Variants in PARD3B observed in about 807,000 individuals in gnomAD.
PARD3B encodes the protein par-3 family cell polarity regulator beta, also known as partitioning defective 3 homolog B.
PARD3B carries 103 observed loss-of-function variants against 130.2 expected under a neutral mutation model. The observed-to-expected ratio is 0.79, with a 90% CI of 0.67 to 0.93. PARD3B has a LOEUF of 0.93. Among genes scored for constraint, PARD3B ranks in the 40% least tolerant of loss-of-function variants. The pLI is 0.00. For synonymous variants in PARD3B, 583 were observed against 553.2 expected (o/e 1.05, Z -0.76); for missense variants, 1,609 against 1,499.2 (o/e 1.07, Z -1.21).
chr2:204,557,118 AC>A (rs1462857650), intron 1 of PARD3B, among the ~76,000 whole-genome samples: 5 of 151,556 alleles, frequency 3.3e-5, no homozygotes. Context: ...GTATGTTGGT[AC>A]ACTGGGGTTC....
intron 2 of PARD3B, among the ~76,000 whole-genome samples, chr2:204,935,312 A>T (rs557545127): frequency 1.3e-5 from 2 of 150,748 alleles, no homozygotes; most frequent in Non-Finnish European, 3.0e-5. Context: ...GGCGGATCAC[A>T]AGGTCAGGAG....
intron 1 of PARD3B, among the ~76,000 whole-genome samples, chr2:204,684,888 A>C (rs2037005110): frequency 6.6e-6 from 1 of 152,202 alleles, no homozygotes; most frequent in South Asian, 2.1e-4. Context: ...CTTAATTTTG[A>C]AATGTCTAAA....
chr2:204,618,949 A>T (rs901974079), intron 1 of PARD3B, among the ~76,000 whole-genome samples: 2 of 152,046 alleles, frequency 1.3e-5, no homozygotes, highest in African/African-American at 4.8e-5. Flanking sequence ...ATTTTCCTGA[A>T]TAAATGATTC....
In PARD3B at chr2:205,287,519, T is replaced by C. The variant is rs1297731875; in HGVS notation, c.2186-13011T>C. 7.2e-5 allele frequency among the ~76,000 whole-genome samples: 11 copies of C among 152,172 alleles called. No homozygotes were observed. The highest frequency in any genetic ancestry group is 1.5e-4 in the Non-Finnish European group (10 of 68,032). ...CTGCTCACTCTACCAGGCTTAGTTC[T>C]AGTTAGCCCTGTGTGTGTCAGTAGC... On this transcript the variant is annotated intron_variant, in intron 16 of 22. Coordinates refer to ENST00000406610, the MANE Select transcript of PARD3B (RefSeq NM_001302769.2). This position sits in a 1 kb window ranked among gnomAD's most constrained non-coding sequence, Gnocchi z 4.8.
intron 1 of PARD3B, among the ~76,000 whole-genome samples, chr2:204,679,465 C>T (rs1189333227): frequency 6.6e-6 from 1 of 152,114 alleles, no homozygotes; most frequent in East Asian, 1.9e-4. Flanking sequence ...ATTCTAGTTG[C>T]TTTGTATTCT....
intron 21 of PARD3B, 83 bp from the exon 22 acceptor site, chr2:205,553,241 G>T: frequency 1.5e-6 from 2 of 1,300,352 alleles, no homozygotes; most frequent in Non-Finnish European, 1.1e-6. Context: ...CAGCATTTGT[G>T]CACTGATTAT....
intron 18 of PARD3B, among the ~76,000 whole-genome samples, chr2:205,337,801 A>C (rs2043367576): frequency 6.6e-6 from 1 of 152,184 alleles, no homozygotes; most frequent in Non-Finnish European, 1.5e-5. Context: ...ATGACATTTT[A>C]GTTCATTTAT....
At chr2:205,583,400 T>TGTGTGTGCGC (rs1192785640) in intron 22 of PARD3B, among the ~76,000 whole-genome samples, 86 of 133,994 alleles carry the variant, frequency 6.4e-4, no homozygotes, top group East Asian at 1.0e-3. Context: ...TGTGTGTGTG[T>TGTGTGTGCGC]GCGCGCGCAC....
At chr2:205,213,957 A>G (rs2037779421) in intron 15 of PARD3B, among the ~76,000 whole-genome samples, 1 of 152,162 alleles carries the variant, frequency 6.6e-6, no homozygotes, top group Non-Finnish European at 1.5e-5. Context: ...GGTTTAGGTC[A>G]TGTGAATTCA....
Position 205,325,570 on chromosome 2 carries a change from C to G in PARD3B, c.2630+23869C>G, listed in dbSNP as rs746478413. ...TAGTCTCAGAGTCTTCCTCTATTGC[C>G]CAGGCTGGAGTGCAGTGGCGTGATC... is the stretch of plus-strand genomic sequence containing the variant. On this transcript the variant is annotated intron_variant, in intron 18 of 22. Coordinates refer to ENST00000406610, the MANE Select transcript of PARD3B (RefSeq NM_001302769.2). This position sits in a 1 kb window ranked among gnomAD's most constrained non-coding sequence, Gnocchi z 4.1. 2.0e-5 allele frequency among the ~76,000 whole-genome samples: 3 copies of G among 151,862 alleles called. No individual in the cohort carries two copies. The highest frequency in any genetic ancestry group is 4.4e-5 in the Non-Finnish European group (3 of 68,006).
chr2:204,774,406 C>T (rs947114193), intron 2 of PARD3B, among the ~76,000 whole-genome samples: 4 of 151,890 alleles, frequency 2.6e-5, no homozygotes, highest in East Asian at 1.9e-4. Context: ...GCTGAACAGG[C>T]GTAGAAATCA....
chr2:205,577,190 G>T (rs576859045), intron 22 of PARD3B, among the ~76,000 whole-genome samples: 2 of 152,072 alleles, frequency 1.3e-5, no homozygotes, highest in East Asian at 1.9e-4. Flanking sequence ...AGGGTTTTTT[G>T]TGTGTGTGTC....
chr2:205,084,082 T>G (rs1266321649), intron 4 of PARD3B, among the ~76,000 whole-genome samples: 2 of 152,134 alleles, frequency 1.3e-5, no homozygotes, highest in African/African-American at 4.8e-5. Flanking sequence ...ATATTAAAAC[T>G]TATTCAAATA....
chr2:205,030,738 C>T (rs1011784928), intron 3 of PARD3B, among the ~76,000 whole-genome samples: 2 of 151,980 alleles, frequency 1.3e-5, no homozygotes, highest in African/African-American at 4.8e-5. Flanking sequence ...AACATAAGAG[C>T]TTATAAAATT....
chr2:205,007,873 G>C (rs1024120391), intron 3 of PARD3B, among the ~76,000 whole-genome samples: 25 of 152,088 alleles, frequency 1.6e-4, no homozygotes, highest in African/African-American at 5.8e-4. Flanking sequence ...TTTTTTAGAA[G>C]TGTTTAATTG....
Position 205,138,347 on chromosome 2 carries a change from C to T in PARD3B, c.1434+12610C>T, listed in dbSNP as rs576038459. 1.6e-4 allele frequency among the ~76,000 whole-genome samples: 24 copies of T among 152,200 alleles called. No homozygotes were observed. The South Asian group carries it at 3.1e-3, about 20-fold the overall frequency. On this transcript the variant is annotated intron_variant, in intron 10 of 22. Coordinates refer to ENST00000406610, the MANE Select transcript of PARD3B (RefSeq NM_001302769.2). ...AAAACATTGTGGCTCTTGACATATA[C>T]GTGCATTTCTCTCTTATGCTGGACA...
At chr2:205,505,026 G>A (rs1301797540) in intron 21 of PARD3B, among the ~76,000 whole-genome samples, 1 of 152,224 alleles carries the variant, frequency 6.6e-6, no homozygotes, top group African/African-American at 2.4e-5. Context: ...TTAAGAAAAT[G>A]TGGCACATAT....
At chr2:204,609,725 A>G (rs565737344) in intron 1 of PARD3B, among the ~76,000 whole-genome samples, 8 of 152,272 alleles carry the variant, frequency 5.3e-5, no homozygotes, top group African/African-American at 1.9e-4. Context: ...CATCCTTCAG[A>G]GAGAATAGAT....
At position 204,796,099 on chromosome 2, in the gene PARD3B, GA is replaced by G. The variant is rs2042365585; in HGVS notation, c.222+109823del. 2.6e-5 allele frequency among the ~76,000 whole-genome samples: 4 copies of G among 152,268 alleles called. No homozygotes were observed. In the South Asian group the frequency reaches 6.2e-4, roughly 24 times the overall value. ...AACTTTAGTCCAAAAAGATGTTAAT[GA>G]AAAAAGTAACAATATTTGTGATATA... On this transcript the variant is annotated intron_variant, in intron 2 of 22. Coordinates refer to ENST00000406610, the MANE Select transcript of PARD3B (RefSeq NM_001302769.2).
Sources: allele counts gnomAD v4.1 joint callset (sites outside exome capture counted in the v4.1 genomes callset), GRCh38; gene constraint gnomAD v4.1.1; non-coding constraint Gnocchi (gnomAD v3.1); transcripts MANE v1.5; gene names NCBI Gene and HGNC (gene_info 2026-07-23, HGNC 2026-07-21).